The following TCF3 variants were observed in gnomAD, a reference collection of about 807,000 sequenced individuals.
The protein encoded by TCF3 is transcription factor E2-alpha.
A neutral mutation model predicts 72.3 loss-of-function variants in TCF3; 54 were observed. That is an observed-to-expected ratio of 0.75 (90% CI 0.60 to 0.94). The LOEUF (loss-of-function observed/expected upper bound fraction) is 0.94, where lower values mean the gene tolerates loss of function less well. Among genes scored for constraint, TCF3 ranks in the 40% least tolerant of loss-of-function variants. TCF3 has a pLI of 0.00. For missense variants in TCF3, 1,078 were observed against 934.4 expected (o/e 1.15, Z -2.00); for synonymous variants, 525 against 412.6 (o/e 1.27, Z -3.30).
In TCF3 at chr19:1,647,399, C is replaced by CCCAG. The variant is rs563821785; in HGVS notation, c.73-976_73-973dup. 5.2e-4 allele frequency among the ~76,000 whole-genome samples: 79 copies of CCCAG among 152,356 alleles called. 1 individual carries two copies. In the Middle Eastern group the frequency reaches 0.014, roughly 26 times the overall value. ...AGCAGCCAAGATCCCCAACACCTTC[C>CCCAG]CCAGCCAGCCAGGAGGCGAAGGCAC... On this transcript the variant is annotated intron_variant, in intron 2 of 18. Transcript: ENST00000262965.
chr19:1,638,116 A>T (rs2064711708), intron 3 of TCF3, among the ~76,000 whole-genome samples: 1 of 152,166 alleles, frequency 6.6e-6, no homozygotes, highest in African/African-American at 2.4e-5. Context: ...GAATCAAGAG[A>T]TTCCTAGAAG....
At position 1,615,551 on chromosome 19, in the gene TCF3, G is replaced by C. The variant is rs1260174371; in HGVS notation, c.1587-31C>G. On this transcript the variant is annotated intron_variant, in intron 17 of 18. Transcript: ENST00000262965. This position sits in a 1 kb window ranked among gnomAD's most constrained non-coding sequence, Gnocchi z 7.3. The stretch of plus-strand genomic sequence containing the variant: ...GGGAGGGCGCCGGGAGGGGGCCAGA[G>C]GGAGACAGTGAGGTTGGGGGAAGAG... 2.5e-6 allele frequency: 4 copies of C among 1,604,874 alleles called. No homozygotes were observed. The highest frequency in any genetic ancestry group is 3.4e-6 in the Non-Finnish European group (4 of 1,179,636).
rs2060831627 is a variant in TCF3 at position 1,609,345 on chromosome 19, T to C, written c.*2362A>G. ...ACAGTGCTGTTATATACAGGACAGGTCTCTGAATCCACCTGAAAGAGGGTC... is the reference window on the plus strand; with the variant it reads ...ACAGTGCTGTTATATACAGGACAGGCCTCTGAATCCACCTGAAAGAGGGTC... On this transcript the variant is annotated 3_prime_UTR_variant, in exon 19 of 19. Transcript: ENST00000262965. 1 of 195,960 alleles carries C rather than the reference T, an allele frequency of 5.1e-6. No homozygotes were observed. The highest frequency in any genetic ancestry group is 6.1e-5 in the Admixed American group (1 of 16,410). 12.1% of individuals were successfully genotyped at this position (195,960 alleles called of 1,614,324 possible).
At chr19:1,631,409 T>A (rs2063699719) in intron 5 of TCF3, among the ~76,000 whole-genome samples, 1 of 152,054 alleles carries the variant, frequency 6.6e-6, no homozygotes, top group African/African-American at 2.4e-5. Flanking sequence ...GTTGGCACTA[T>A]AAGCATCCAA....
chr19:1,639,207 C>T (rs1262457679), intron 3 of TCF3, among the ~76,000 whole-genome samples: 2 of 152,184 alleles, frequency 1.3e-5, no homozygotes, highest in Non-Finnish European at 2.9e-5. Context: ...CCATGCCTGG[C>T]TAATTTTTTA....
At chr19:1,645,889 C>A (rs985709106) in intron 3 of TCF3, among the ~76,000 whole-genome samples, 1 of 152,176 alleles carries the variant, frequency 6.6e-6, no homozygotes, top group Non-Finnish European at 1.5e-5. Context: ...CTGGGCCCTG[C>A]ATACAGCAAG....
chr19:1,609,454 T>G lies in TCF3; in HGVS notation c.*2253A>C, dbSNP rs1469353425. 9.3e-6 allele frequency: 2 copies of G among 214,300 alleles called. No homozygotes were observed. The highest frequency in any genetic ancestry group is 5.9e-5 in the Admixed American group (1 of 17,038). The allele number at this position is 214,300 out of a possible 1,614,324, so 13.3% of individuals were successfully genotyped here. On this transcript the variant is annotated 3_prime_UTR_variant, in exon 19 of 19. Transcript: ENST00000262965. Reference sequence around the variant, plus strand: ...AAAAAAATTTTTTTGAAAACCATCTTGAGGCACTCAGATCACACCCCCCAC... The same window carrying G: ...AAAAAAATTTTTTTGAAAACCATCTGGAGGCACTCAGATCACACCCCCCAC...
At chr19:1,629,730 G>A (rs1446082012) in intron 5 of TCF3, among the ~76,000 whole-genome samples, 5 of 152,234 alleles carry the variant, frequency 3.3e-5, no homozygotes, top group Non-Finnish European at 7.3e-5. Context: ...GACTGGGGCT[G>A]CTGTGAGGGG....
intron 3 of TCF3, among the ~76,000 whole-genome samples, chr19:1,635,714 G>A (rs890408517): frequency 3.3e-5 from 5 of 152,248 alleles, no homozygotes; most frequent in African/African-American, 7.2e-5. Flanking sequence ...TGCTGGAAAC[G>A]TGGCCAGCAT....
chr19:1,627,218 C>CCA, intron 6 of TCF3, 141 bp downstream of exon 6: 1 of 546,740 alleles, frequency 1.8e-6, no homozygotes, highest in East Asian at 3.8e-5. Context: ...CCAGCCCACC[C>CCA]TGGCCCAAGC....
intron 2 of TCF3, among the ~76,000 whole-genome samples, chr19:1,649,560 A>C (rs960626195): frequency 6.6e-6 from 1 of 152,108 alleles, no homozygotes; most frequent in African/African-American, 2.4e-5. Flanking sequence ...ACAGGCATCT[A>C]CCACCACTCC....
rs2060894402 is a variant in TCF3, at chr19:1,610,309, G to A, written c.*1398C>T. ...TGCCCTTGGACCACACAGAGGGAGG[G>A]CAGCAGGTGTGGCCCCAGGCCCAGG... On this transcript the variant is annotated 3_prime_UTR_variant, in exon 19 of 19. Transcript: ENST00000262965. 8.6e-6 allele frequency: 2 copies of A among 231,914 alleles called. No individual in the cohort carries two copies. Among genetic ancestry groups the A allele is most frequent in the East Asian group, 6.1e-5 (1 of 16,414 alleles). 14.4% of individuals were successfully genotyped at this position (231,914 alleles called of 1,614,324 possible).
chr19:1,644,364 A>C (rs2065764644), intron 3 of TCF3, among the ~76,000 whole-genome samples: 1 of 150,512 alleles, frequency 6.6e-6, no homozygotes, highest in Admixed American at 6.6e-5. Flanking sequence ...CCCCGGGCTC[A>C]GGCGGGCGTT....
At chr19:1,649,453 A>G (rs2066658354) in intron 2 of TCF3, among the ~76,000 whole-genome samples, 1 of 152,220 alleles carries the variant, frequency 6.6e-6, no homozygotes, top group Non-Finnish European at 1.5e-5. Context: ...TCTATCGCCC[A>G]GGAAGGAGTG....
rs1009726167 is a variant in TCF3 at position 1,614,277 on chromosome 19, G to T, written c.1822+1008C>A. 6.6e-6 allele frequency among the ~76,000 whole-genome samples: 1 copy of T among 152,244 alleles called. No homozygotes were observed. Among genetic ancestry groups the T allele is most frequent in the Non-Finnish European group, 1.5e-5 (1 of 68,032 alleles). On this transcript the variant is annotated intron_variant, in intron 18 of 18. Transcript: ENST00000262965. This position sits in a 1 kb window ranked among gnomAD's most constrained non-coding sequence, Gnocchi z 5.6. ...GGGCGGCCCCTGGAGCCCAGGACAA[G>T]CGCACAGACCAAACTGACAGGACCA...
At chr19:1,649,026 G>T (rs2066585669) in intron 2 of TCF3, among the ~76,000 whole-genome samples, 1 of 152,244 alleles carries the variant, frequency 6.6e-6, no homozygotes, top group Non-Finnish European at 1.5e-5. Context: ...CCTGAACTGT[G>T]TGACTTCTGA....
chr19:1,643,810 T>G (rs1214995237), intron 3 of TCF3, among the ~76,000 whole-genome samples: 1 of 152,254 alleles, frequency 6.6e-6, no homozygotes, highest in Non-Finnish European at 1.5e-5. Flanking sequence ...GGGTTTCTGG[T>G]TCTCAAATCT....
intron 3 of TCF3, among the ~76,000 whole-genome samples, chr19:1,641,243 G>C (rs1403536907): frequency 6.6e-6 from 1 of 151,516 alleles, no homozygotes; most frequent in African/African-American, 2.4e-5. Context: ...GATCTCCAGG[G>C]AATTATGCTA....
intron 3 of TCF3, among the ~76,000 whole-genome samples, chr19:1,638,345 G>A (rs1000850243): frequency 2.0e-5 from 3 of 152,198 alleles, no homozygotes; most frequent in Admixed American, 1.3e-4. Context: ...ACACAATTAT[G>A]AACAGATACA....
Sources: gnomAD v4.1 joint callset for allele counts (sites outside exome capture counted in the v4.1 genomes callset) on GRCh38, gnomAD v4.1.1 for gene constraint, Gnocchi (gnomAD v3.1) non-coding constraint, MANE v1.5 for transcripts, NCBI Gene and HGNC (gene_info 2026-07-23, HGNC 2026-07-21) for gene names.